COL4A1: variants seen among roughly 807,000 people sequenced by gnomAD.
COL4A1 encodes collagen alpha-1(IV) chain.
COL4A1 carries 40 observed loss-of-function variants against 216.6 expected under a neutral mutation model. The observed-to-expected ratio is 0.18, with a 90% CI of 0.14 to 0.24. The LOEUF (loss-of-function observed/expected upper bound fraction) is 0.24, where lower values mean the gene tolerates loss of function less well. Among genes scored for constraint, COL4A1 ranks in the 10% least tolerant of loss-of-function variants. COL4A1 has a pLI of 1.00. For missense variants in COL4A1, 1,628 were observed against 2,196.8 expected (o/e 0.74, Z 5.18); for synonymous variants, 839 against 810.7 (o/e 1.03, Z -0.59).
At chr13:110,172,527 A>G (rs955208368) in intron 41 of COL4A1, among the ~76,000 whole-genome samples, 193 bp downstream of exon 41, 2 of 152,206 alleles carry the variant, frequency 1.3e-5, no homozygotes, top group East Asian at 1.9e-4. Context: ...ACTGCACGCC[A>G]TTTTGATCCA....
At chr13:110,289,695 C>T (rs1334307971) in intron 1 of COL4A1, among the ~76,000 whole-genome samples, 2 of 152,150 alleles carry the variant, frequency 1.3e-5, no homozygotes, top group African/African-American at 4.8e-5. Flanking sequence ...AGTCCAAAAG[C>T]GCATAGAGAA....
chr13:110,153,630 T>C (rs1876618575), intron 50 of COL4A1, among the ~76,000 whole-genome samples: 1 of 152,228 alleles, frequency 6.6e-6, no homozygotes, highest in African/African-American at 2.4e-5. Flanking sequence ...TATACAGCAT[T>C]TTCAACCTTT....
rs528282453 is a variant in COL4A1 at position 110,295,582 on chromosome 13, C to T, written c.84+11362G>A. Among the ~76,000 whole-genome samples, 22 of 152,124 alleles carry T rather than the reference C, an allele frequency of 1.4e-4. 1 individual carries two copies. The East Asian group carries it at 3.3e-3, about 23-fold the overall frequency. ...CTGGGATTACAGGCGCCCGCCACCA[C>T]GCCTAGCCAATTTTTGTATTTTTAG... On this transcript the variant is annotated intron_variant, in intron 1 of 51. Coordinates refer to ENST00000375820, the MANE Select transcript of COL4A1 (RefSeq NM_001845.6).
chr13:110,222,741 C>G (rs1880555799), intron 2 of COL4A1, among the ~76,000 whole-genome samples: 1 of 120,172 alleles, frequency 8.3e-6, no homozygotes, highest in African/African-American at 2.9e-5. Flanking sequence ...CCACTGCACT[C>G]CAGCCTGGGC....
intron 50 of COL4A1, among the ~76,000 whole-genome samples, chr13:110,153,309 G>C (rs1234467383): frequency 2.0e-5 from 3 of 152,256 alleles, no homozygotes; most frequent in Non-Finnish European, 4.4e-5. Flanking sequence ...GGGGTCTCCA[G>C]ACCTCCAGAT....
rs766570289 is a variant in COL4A1, at chr13:110,209,856, G to A, written c.615+124C>T. ...GTTTAGTAAGAGGGAAGCTGATTCC[G>A]CCATGTCCAAATTAAGAGCGACCAC... On this transcript the variant is annotated intron_variant, in intron 10 of 51. Transcript: ENST00000375820. 1.7e-5 allele frequency: 20 copies of A among 1,193,884 alleles called. 1 individual carries two copies. The highest frequency in any genetic ancestry group is 3.8e-4 in the Middle Eastern group (2 of 5,278). 74.0% of individuals were successfully genotyped at this position (1,193,884 alleles called of 1,614,324 possible). A position where few individuals can be genotyped will look rare whatever the true frequency, so the allele number is the denominator to read the frequency against.
chr13:110,161,518 T>A, intron 48 of COL4A1, 149 bp from the exon 49 acceptor site: 2 of 1,030,246 alleles, frequency 1.9e-6, no homozygotes, highest in Non-Finnish European at 2.9e-6. Flanking sequence ...TGTAGGACAT[T>A]TTTGATGAAA....
chr13:110,224,582 C>CA (rs1268281635), intron 2 of COL4A1, among the ~76,000 whole-genome samples: 3 of 152,212 alleles, frequency 2.0e-5, no homozygotes, highest in Admixed American at 6.5e-5. Context: ...CTCGGCCTCC[C>CA]AAAGTGCTGG....
chr13:110,276,385 A>G (rs1044136922), intron 1 of COL4A1, among the ~76,000 whole-genome samples: 17 of 152,102 alleles, frequency 1.1e-4, no homozygotes, highest in Admixed American at 1.1e-3. Context: ...ATCACTGCAG[A>G]TGTTCATGAG....
intron 2 of COL4A1, among the ~76,000 whole-genome samples, chr13:110,238,087 T>C (rs1199595490): frequency 6.6e-6 from 1 of 152,238 alleles, no homozygotes; most frequent in East Asian, 1.9e-4. Flanking sequence ...GACAATATTA[T>C]TGCAATGCAG....
chr13:110,154,043 G>A (rs2073246494), intron 50 of COL4A1, among the ~76,000 whole-genome samples: 1 of 152,064 alleles, frequency 6.6e-6, no homozygotes, highest in African/African-American at 2.4e-5. Flanking sequence ...TTCTACAATT[G>A]GAATAATTTA....
At chr13:110,299,535 A>G (rs1350171774) in intron 1 of COL4A1, among the ~76,000 whole-genome samples, 4 of 152,200 alleles carry the variant, frequency 2.6e-5, no homozygotes, top group Admixed American at 2.6e-4. Flanking sequence ...CTTAATCCTT[A>G]CATTTGCTCC....
chr13:110,206,808 A>G (rs1879538636), intron 14 of COL4A1, 57 bp downstream of exon 14: 9 of 1,611,638 alleles, frequency 5.6e-6, no homozygotes, highest in Non-Finnish European at 6.8e-6. Context: ...AAAAACTTGA[A>G]ACTTAAATCT....
intron 2 of COL4A1, among the ~76,000 whole-genome samples, chr13:110,217,453 C>A (rs1392025676): frequency 6.6e-6 from 1 of 152,192 alleles, no homozygotes; most frequent in African/African-American, 2.4e-5. Context: ...GACCCTCGAT[C>A]ATCTGTTTCC....
intron 1 of COL4A1, among the ~76,000 whole-genome samples, chr13:110,272,248 A>G (rs907832977): frequency 2.3e-4 from 35 of 152,262 alleles, no homozygotes; most frequent in African/African-American, 8.4e-4. Flanking sequence ...GAAAAAATGA[A>G]GTATACCTAC....
intron 1 of COL4A1, among the ~76,000 whole-genome samples, chr13:110,290,029 T>C (rs1320258936): frequency 1.3e-5 from 2 of 152,190 alleles, no homozygotes; most frequent in Admixed American, 1.3e-4. Context: ...GAAAGGATGC[T>C]GCCGGGGGGC....
At chr13:110,244,033 G>A (rs68079483) in intron 1 of COL4A1, among the ~76,000 whole-genome samples, 31,710 of 152,088 alleles carry the variant, frequency 0.21, 3,951 homozygotes, top group African/African-American at 0.34. Context: ...ATGAATAATC[G>A]GGTTAATAAG....
chr13:110,237,097 C>G (rs1266821468), intron 2 of COL4A1, among the ~76,000 whole-genome samples: 2 of 152,142 alleles, frequency 1.3e-5, no homozygotes, highest in African/African-American at 4.8e-5. Flanking sequence ...CTCCCCGTCC[C>G]GACCCGTTAG....
intron 2 of COL4A1, among the ~76,000 whole-genome samples, chr13:110,229,498 C>T (rs980592375): frequency 1.3e-5 from 2 of 152,170 alleles, no homozygotes; most frequent in African/African-American, 4.8e-5. Context: ...CATCACTGTA[C>T]GTGTCCTGCA....
Sources: gnomAD v4.1 joint callset for allele counts (sites outside exome capture counted in the v4.1 genomes callset) on GRCh38, gnomAD v4.1.1 for gene constraint, MANE v1.5 for transcripts, NCBI Gene and HGNC (gene_info 2026-07-23, HGNC 2026-07-21) for gene names.